The following LIX1 variants were observed in gnomAD, a reference collection of about 807,000 sequenced individuals.
The protein encoded by LIX1 is protein limb expression 1 homolog.
LIX1 carries 24 observed loss-of-function variants against 33.4 expected under a neutral mutation model. The ratio of observed to expected loss-of-function variants is 0.72; its 90% CI spans 0.52 to 1.01. LIX1 has a LOEUF of 1.01. LIX1 is among the 50% of genes least tolerant of loss of function. The pLI, the probability that LIX1 is intolerant of heterozygous loss-of-function variation, is 0.00. For missense variants in LIX1, 311 were observed against 339.2 expected (o/e 0.92, Z 0.65); for synonymous variants, 124 against 124.0 (o/e 1.00, Z 0.00).
rs529713519 is a variant in LIX1 at position 97,125,251 on chromosome 5, C to G, written c.83-622G>C. ...AGGTCTGTTCGAGTATTTCAGAAAA[C>G]ATAGTAATGGCTAGAGCCATATGTT... On this transcript the variant is annotated intron_variant, in intron 1 of 5. Coordinates refer to ENST00000274382, the MANE Select transcript of LIX1 (RefSeq NM_153234.5). Among the ~76,000 whole-genome samples the G allele has an allele frequency of 3.5e-4, 53 of 152,272 alleles. 2 individuals carry two copies. The East Asian group carries it at 0.01, about 29-fold the overall frequency.
intron 2 of LIX1, among the ~76,000 whole-genome samples, chr5:97,120,599 G>A (rs1056835967): frequency 3.0e-4 from 45 of 152,144 alleles, no homozygotes; most frequent in African/African-American, 1.1e-3. Flanking sequence ...AGAGAAGGTG[G>A]CAATAGCATT....
At chr5:97,123,809 G>A (rs958775369) in intron 2 of LIX1, among the ~76,000 whole-genome samples, 16 of 152,124 alleles carry the variant, frequency 1.1e-4, no homozygotes, top group African/African-American at 3.6e-4. Flanking sequence ...AAAATGCTGT[G>A]GTTCCCTATG....
chr5:97,109,642 G>A (rs9763821), intron 2 of LIX1, among the ~76,000 whole-genome samples: 1 of 148,648 alleles, frequency 6.7e-6, no homozygotes, highest in East Asian at 1.9e-4. Context: ...GTTCTTTTGC[G>A]GTGATTTCTG....
intron 2 of LIX1, among the ~76,000 whole-genome samples, chr5:97,119,688 C>T (rs1747731535): frequency 6.6e-6 from 1 of 152,042 alleles, no homozygotes; most frequent in South Asian, 2.1e-4. Flanking sequence ...GAGAAATCAG[C>T]AAGAGGCCTC....
At chr5:97,116,287 C>T (rs1461897729) in intron 2 of LIX1, among the ~76,000 whole-genome samples, 2 of 152,112 alleles carry the variant, frequency 1.3e-5, no homozygotes, top group African/African-American at 2.4e-5. Context: ...CATTTTTTCT[C>T]CTTCCAGATG....
intron 1 of LIX1, among the ~76,000 whole-genome samples, chr5:97,139,511 C>A (rs1235235248): frequency 6.6e-6 from 1 of 152,190 alleles, no homozygotes; most frequent in East Asian, 1.9e-4. Flanking sequence ...ACAGGGGCTG[C>A]TTTTAGGATA....
rs142327443 is a variant in LIX1 at position 97,119,199 on chromosome 5, G to A, written c.246+5267C>T. 1.2e-3 allele frequency among the ~76,000 whole-genome samples: 179 copies of A among 152,320 alleles called. 1 individual carries two copies. The highest frequency in any genetic ancestry group is 3.9e-3 in the African/African-American group (162 of 41,566). On this transcript the variant is annotated intron_variant, in intron 2 of 5. Transcript: ENST00000274382. ...CATTGGTGGTGACGTCCATGGCTCA[G>A]TAAGAAGGCTACTGCTGGCATAATG... is the stretch of plus-strand genomic sequence containing the variant.
intron 2 of LIX1, among the ~76,000 whole-genome samples, chr5:97,116,074 G>A (rs887934698): frequency 5.3e-5 from 8 of 152,028 alleles, no homozygotes; most frequent in African/African-American, 1.9e-4. Flanking sequence ...AGTGACTTGC[G>A]GAGTTTGTGC....
intron 4 of LIX1, 130 bp downstream of exon 4, chr5:97,105,060 A>T: frequency 1.3e-6 from 1 of 759,932 alleles, no homozygotes; most frequent in Non-Finnish European, 2.2e-6. Context: ...CAGGAGGGTT[A>T]GATTAAAATG....
At chr5:97,118,538 A>G (rs980559853) in intron 2 of LIX1, among the ~76,000 whole-genome samples, 1 of 152,140 alleles carries the variant, frequency 6.6e-6, no homozygotes, top group African/African-American at 2.4e-5. Context: ...CATGGTCATG[A>G]TATGTGGCTA....
At chr5:97,104,509 G>A (rs920981658) in intron 4 of LIX1, among the ~76,000 whole-genome samples, 1 of 152,148 alleles carries the variant, frequency 6.6e-6, no homozygotes, top group African/African-American at 2.4e-5. Flanking sequence ...TGAGGATAAC[G>A]ATATTATCCA....
At chr5:97,112,816 A>T (rs1747474785) in intron 2 of LIX1, among the ~76,000 whole-genome samples, 1 of 141,950 alleles carries the variant, frequency 7.0e-6, no homozygotes. Context: ...AAAAAAAAAA[A>T]AAGAGTGACT....
At position 97,124,490 on chromosome 5, in the gene LIX1, C is replaced by A. The variant is rs757948621; in HGVS notation, c.222G>T (p.Gly74=). The A allele has an allele frequency of 9.3e-6, 15 of 1,608,072 alleles. No homozygotes were observed. The highest frequency in any genetic ancestry group is 1.7e-4 in the Middle Eastern group (1 of 6,036). ...CCTGAAAGTTGCCAAAACAGCTTCC[C>A]CCTGGGAGGGTCACGTAACTCACAA... ...PPFVSYVTLP[G]GSCFGNFQCC... is the part of the protein sequence containing the mutation. Residue 74 remains glycine (G), a synonymous_variant, in exon 2 of 6, where the codon GGG becomes GGT. Coordinates refer to ENST00000274382, the MANE Select transcript of LIX1 (RefSeq NM_153234.5).
intron 1 of LIX1, among the ~76,000 whole-genome samples, chr5:97,136,407 G>A (rs1748173390): frequency 1.3e-5 from 2 of 152,210 alleles, no homozygotes; most frequent in African/African-American, 4.8e-5. Flanking sequence ...CTGACAGTGG[G>A]CAGAATCTTA....
intron 2 of LIX1, among the ~76,000 whole-genome samples, chr5:97,117,835 G>T (rs988815461): frequency 5.3e-5 from 8 of 151,918 alleles, no homozygotes; most frequent in African/African-American, 1.7e-4. Flanking sequence ...ACAGAGCTTG[G>T]CAAGGAGCTC....
intron 3 of LIX1, among the ~76,000 whole-genome samples, chr5:97,105,522 C>A (rs1746967884): frequency 6.6e-6 from 1 of 152,174 alleles, no homozygotes; most frequent in Admixed American, 6.5e-5. Flanking sequence ...GAAGACATTT[C>A]TGTACGATTG....
intron 5 of LIX1, among the ~76,000 whole-genome samples, chr5:97,095,412 A>G (rs1746326479): frequency 6.6e-6 from 1 of 152,208 alleles, no homozygotes; most frequent in African/African-American, 2.4e-5. Flanking sequence ...TCCTTTGGAA[A>G]GATAAAGAGA....
At chr5:97,102,457 T>A (rs1746760624) in intron 4 of LIX1, among the ~76,000 whole-genome samples, 1 of 152,158 alleles carries the variant, frequency 6.6e-6, no homozygotes, top group African/African-American at 2.4e-5. Flanking sequence ...CCATAGGCCC[T>A]CCTCCTGGGT....
At chr5:97,121,641 G>T (rs1289451725) in intron 2 of LIX1, among the ~76,000 whole-genome samples, 1 of 152,082 alleles carries the variant, frequency 6.6e-6, no homozygotes, top group Non-Finnish European at 1.5e-5. Context: ...GTTTTAGAGA[G>T]AAATATCCTT....
Sources: allele counts gnomAD v4.1 joint callset (sites outside exome capture counted in the v4.1 genomes callset), GRCh38; gene constraint gnomAD v4.1.1; transcripts MANE v1.5; gene names NCBI Gene and HGNC (gene_info 2026-07-23, HGNC 2026-07-21).